The following MDGA2 variants were observed in gnomAD, a reference collection of about 807,000 sequenced individuals.
MDGA2 encodes the protein MAM domain containing glycosylphosphatidylinositol anchor 2, also known as MAM domain-containing glycosylphosphatidylinositol anchor protein 2.
MDGA2 carries 40 observed loss-of-function variants against 117.8 expected under a neutral mutation model. The ratio of observed to expected loss-of-function variants is 0.34; its 90% CI spans 0.26 to 0.44. The LOEUF (loss-of-function observed/expected upper bound fraction) is 0.44, where lower values mean the gene tolerates loss of function less well. Ranked by LOEUF, MDGA2 falls within the 20% of genes least tolerant of loss-of-function variation. The pLI, the probability that MDGA2 is intolerant of heterozygous loss-of-function variation, is 1.00. For synonymous variants in MDGA2, 452 were observed against 439.0 expected, an observed-to-expected ratio of 1.03 and a Z score of -0.37; for missense variants, 1,123 against 1,250.6, an observed-to-expected ratio of 0.90 and a Z score of 1.54.
At position 46,841,878 on chromosome 14, in the gene MDGA2, C is replaced by G. The variant is rs969730049; in HGVS notation, c.*53G>C. The G allele has an allele frequency of 8.2e-7, 1 of 1,217,078 alleles. No homozygotes were observed. Among genetic ancestry groups the G allele is most frequent in the Non-Finnish European group, 1.2e-6 (1 of 842,062 alleles). The allele number at this position is 1,217,078 out of a possible 1,614,324, so 75.4% of individuals were successfully genotyped here. ...TGTTCAATGTCCATTTACAAAGACTCTTTCTTCATGCCAGTGCCTGGTGAA... is the reference window on the plus strand; with the variant it reads ...TGTTCAATGTCCATTTACAAAGACTGTTTCTTCATGCCAGTGCCTGGTGAA... On this transcript the variant is annotated 3_prime_UTR_variant, in exon 17 of 17. Coordinates refer to ENST00000399232, the MANE Select transcript of MDGA2 (RefSeq NM_001113498.3).
At chr14:46,952,948 G>A (rs1475806214) in intron 9 of MDGA2, among the ~76,000 whole-genome samples, 2 of 151,824 alleles carry the variant, frequency 1.3e-5, no homozygotes, top group Non-Finnish European at 2.9e-5. Flanking sequence ...TCTCACTTAA[G>A]ATAAGCTAGG....
chr14:47,485,825 G>C (rs1485885255), intron 1 of MDGA2, among the ~76,000 whole-genome samples: 4 of 152,222 alleles, frequency 2.6e-5, no homozygotes, highest in African/African-American at 9.6e-5. Context: ...CCAGGACACA[G>C]AAGTCAAAAA....
At position 47,603,615 on chromosome 14, in the gene MDGA2, GTCTC is replaced by G. The variant is rs368745435; in HGVS notation, c.280+70898_280+70901del. 2.4e-4 allele frequency among the ~76,000 whole-genome samples: 36 copies of G among 150,040 alleles called. 1 individual carries two copies. The highest frequency in any genetic ancestry group is 2.3e-3 in the South Asian group (11 of 4,766). On this transcript the variant is annotated intron_variant, in intron 1 of 16. Coordinates refer to ENST00000399232, the MANE Select transcript of MDGA2 (RefSeq NM_001113498.3). ...CCAGTTCCCCCACTTATCCCTCATA[GTCTC>G]TCTCTCTCTCTCTCTGTTTCTCTTG... is the stretch of plus-strand genomic sequence containing the variant.
At chr14:47,148,400 T>G (rs1335980972) in intron 3 of MDGA2, among the ~76,000 whole-genome samples, 1 of 152,140 alleles carries the variant, frequency 6.6e-6, no homozygotes, top group East Asian at 1.9e-4. Flanking sequence ...GATTTAGAAT[T>G]TAACTGCATC....
intron 1 of MDGA2, among the ~76,000 whole-genome samples, chr14:47,585,394 A>C (rs1358067673): frequency 1.3e-5 from 2 of 151,936 alleles, no homozygotes; most frequent in Non-Finnish European, 1.5e-5. Flanking sequence ...GATAACAACA[A>C]AAAAACTTGA....
At chr14:47,614,086 TTC>T (rs566843507) in intron 1 of MDGA2, among the ~76,000 whole-genome samples, 109 of 146,560 alleles carry the variant, frequency 7.4e-4, no homozygotes, top group Admixed American at 1.6e-3. Flanking sequence ...TATTCTTGTT[TTC>T]TTTTTTCTTT....
intron 1 of MDGA2, among the ~76,000 whole-genome samples, chr14:47,358,430 T>G (rs1228560612): frequency 6.6e-6 from 1 of 152,182 alleles, no homozygotes; most frequent in African/African-American, 2.4e-5. Context: ...CCACCCGTTG[T>G]GCGGGTATCA....
rs566325742 is a variant in MDGA2 at position 47,152,396 on chromosome 14, T to C, written c.596-8122A>G. Among the ~76,000 whole-genome samples, 3 of 152,274 alleles carry C rather than the reference T, an allele frequency of 2.0e-5. No homozygotes were observed. The South Asian group carries it at 6.2e-4, about 32-fold the overall frequency. On this transcript the variant is annotated intron_variant, in intron 3 of 16. Transcript: ENST00000399232. ...TAATGAATGCTATGCCTAATATTTATTGAATACCTATTTTGGGCCAGGATG... is the reference window on the plus strand; with the variant it reads ...TAATGAATGCTATGCCTAATATTTACTGAATACCTATTTTGGGCCAGGATG...
intron 1 of MDGA2, among the ~76,000 whole-genome samples, chr14:47,434,076 A>G (rs1038134833): frequency 2.0e-5 from 3 of 152,124 alleles, no homozygotes; most frequent in Non-Finnish European, 4.4e-5. Flanking sequence ...TCACTCTGAT[A>G]GCAAAAAAAT....
chr14:46,881,410 C>G (rs557935948), intron 11 of MDGA2, among the ~76,000 whole-genome samples: 19 of 152,230 alleles, frequency 1.2e-4, no homozygotes, highest in Non-Finnish European at 2.4e-4. Context: ...TGAAACTATT[C>G]TGTGTGATAC....
intron 8 of MDGA2, among the ~76,000 whole-genome samples, chr14:47,003,590 T>G (rs2138500588): frequency 6.6e-6 from 1 of 152,216 alleles, no homozygotes; most frequent in South Asian, 2.1e-4. Context: ...TTCTGGTGAT[T>G]ATTTGCCATC....
At chr14:47,062,647 G>T (rs528774688) in intron 6 of MDGA2, among the ~76,000 whole-genome samples, 1 of 151,850 alleles carries the variant, frequency 6.6e-6, no homozygotes, top group East Asian at 1.9e-4. Context: ...AATATGTAAT[G>T]ATATTGTCAA....
In MDGA2 at chr14:46,842,143, TTTTTA is replaced by T. The variant is rs1358498731; in HGVS notation, c.2990-129_2990-125del. 8.0e-6 allele frequency: 5 copies of T among 625,454 alleles called. No individual in the cohort carries two copies. The Admixed American group carries it at 1.2e-4, about 15-fold the overall frequency. 38.7% of individuals were successfully genotyped at this position (625,454 alleles called of 1,614,324 possible). On this transcript the variant is annotated intron_variant, in intron 16 of 16. Coordinates refer to ENST00000399232, the MANE Select transcript of MDGA2 (RefSeq NM_001113498.3). ...GGAAAATATTTCTGGAAAATATTTA[TTTTTA>T]TTTTGTTTTATTTATCAGCTTCATT... is the stretch of plus-strand genomic sequence containing the variant.
chr14:47,448,813 A>T (rs1172580921), intron 1 of MDGA2, among the ~76,000 whole-genome samples: 1 of 152,190 alleles, frequency 6.6e-6, no homozygotes, highest in East Asian at 1.9e-4. Flanking sequence ...TGCAGCTGGC[A>T]TCTGAAGTGA....
At chr14:47,231,146 C>A (rs573490841) in intron 2 of MDGA2, among the ~76,000 whole-genome samples, 25 of 152,104 alleles carry the variant, frequency 1.6e-4, no homozygotes, top group African/African-American at 5.8e-4. Context: ...TTTCCTACTA[C>A]TGCACAATTA....
intron 1 of MDGA2, among the ~76,000 whole-genome samples, chr14:47,525,464 C>G (rs1038728112): frequency 6.6e-6 from 1 of 152,140 alleles, no homozygotes; most frequent in Non-Finnish European, 1.5e-5. Flanking sequence ...GCAGGCAGAT[C>G]ACCTGAGGTC....
chr14:47,209,677 T>C (rs1451335961), intron 3 of MDGA2, among the ~76,000 whole-genome samples: 1 of 152,196 alleles, frequency 6.6e-6, no homozygotes, highest in Non-Finnish European at 1.5e-5. Flanking sequence ...TCTAATACTA[T>C]TTGGAAATTA....
chr14:47,208,405 G>C (rs1264284242), intron 3 of MDGA2, among the ~76,000 whole-genome samples: 1 of 151,820 alleles, frequency 6.6e-6, no homozygotes, highest in Non-Finnish European at 1.5e-5. Flanking sequence ...CCTTCTGTGT[G>C]ACTCAGAATT....
At chr14:47,255,055 G>A (rs1887572681) in intron 2 of MDGA2, among the ~76,000 whole-genome samples, 1 of 152,108 alleles carries the variant, frequency 6.6e-6, no homozygotes, top group Non-Finnish European at 1.5e-5. Flanking sequence ...CACCACATGT[G>A]GGGATTATGG....
Sources: gnomAD v4.1 joint callset for allele counts (sites outside exome capture counted in the v4.1 genomes callset) on GRCh38, gnomAD v4.1.1 for gene constraint, MANE v1.5 for transcripts, NCBI Gene and HGNC (gene_info 2026-07-23, HGNC 2026-07-21) for gene names.